Variants in CNBD2 observed in about 807,000 individuals in gnomAD.
CNBD2 encodes the protein cyclic nucleotide binding domain containing 2.
In CNBD2, 64 loss-of-function variants were observed where a neutral mutation model predicts 63.7. That is an observed-to-expected ratio of 1.00 (90% confidence interval 0.82 to 1.24). CNBD2 has a LOEUF of 1.24. Among genes scored for constraint, CNBD2 ranks in the 50% most tolerant of loss-of-function variants. CNBD2 has a pLI of 0.00. For synonymous variants in CNBD2, 229 were observed against 255.4 expected (o/e 0.90, Z 0.99); for missense variants, 691 against 713.5 (o/e 0.97, Z 0.36).
At chr20:35,955,908 A>T (rs1223215907), downstream of CNBD2, among the ~76,000 whole-genome samples, 2 of 152,010 alleles carry the variant, frequency 1.3e-5, no homozygotes, top group East Asian at 3.8e-4. Context: ...TTTGGTACAG[A>T]TGGAGTTTCA....
intron 3 of CNBD2, among the ~76,000 whole-genome samples, chr20:35,976,823 A>T (rs1373921294): frequency 6.6e-6 from 1 of 152,182 alleles, no homozygotes; most frequent in Admixed American, 6.5e-5. Context: ...CCTGGCTTGG[A>T]GTAGCCACGT....
intron 8 of CNBD2, among the ~76,000 whole-genome samples, chr20:35,997,213 T>G (rs1440080324): frequency 6.6e-6 from 1 of 152,200 alleles, no homozygotes; most frequent in Non-Finnish European, 1.5e-5. Flanking sequence ...GTCTTATCTC[T>G]TACCTCCTGC....
At chr20:35,989,254 C>A (rs551952152) in intron 7 of CNBD2, among the ~76,000 whole-genome samples, 1 of 152,336 alleles carries the variant, frequency 6.6e-6, no homozygotes, top group African/African-American at 2.4e-5. Context: ...TTTGGGCTGA[C>A]CTTTCTGTCT....
intron 2 of CNBD2, 80 bp from the exon 3 acceptor site, chr20:35,975,869 T>A: frequency 7.7e-7 from 1 of 1,304,088 alleles, no homozygotes; most frequent in Non-Finnish European, 1.1e-6. Flanking sequence ...GTGGTCCAGG[T>A]AGACAGGAGG....
At chr20:36,014,390 C>CAAGTGATCATGGGTCACTGCA in intron 10 of CNBD2, among the ~76,000 whole-genome samples, 1 of 149,028 alleles carries the variant, frequency 6.7e-6, no homozygotes, top group Non-Finnish European at 1.5e-5. Context: ...AGTGCAGTGG[C>CAAGTGATCATGGGTCACTGCA]GCCATCTCGG....
In CNBD2 at chr20:35,975,961, A is replaced by T. The variant is rs747895668; in HGVS notation, c.202A>T (p.Ser68Cys). 1 of 1,613,240 alleles carries T rather than the reference A, an allele frequency of 6.2e-7. No homozygotes were observed. The highest frequency in any genetic ancestry group is 1.1e-5 in the South Asian group (1 of 90,998). ...IFSFWDKKMQ[S>C]RVTFDTMDFI... is the part of the protein sequence containing the mutation. Reference sequence around the variant, plus strand: ...CTCTTTCTTTCAGAAAAAGATGCAAAGCCGAGTCACATTTGATACCATGGA... The same window carrying T: ...CTCTTTCTTTCAGAAAAAGATGCAATGCCGAGTCACATTTGATACCATGGA... Residue 68 changes from serine to cysteine, a missense_variant, in exon 3 of 12, where the codon AGC (serine) becomes TGC (cysteine). Ser to Cys is a moderately radical substitution (Grantham distance 112, BLOSUM62 -1). Coordinates refer to ENST00000373973, the MANE Select transcript of CNBD2 (RefSeq NM_001365709.1).
chr20:35,989,894 G>A (rs74947537), intron 7 of CNBD2, among the ~76,000 whole-genome samples: 31 of 137,530 alleles, frequency 2.3e-4, no homozygotes, highest in African/African-American at 8.3e-4. Context: ...AGAGAGAAGA[G>A]GGGAGGGGAG....
intron 2 of CNBD2, chr20:35,973,509 A>T (rs1296511510): frequency 6.6e-6 from 1 of 152,128 alleles, no homozygotes; most frequent in Non-Finnish European, 1.5e-5. Context: ...TCCCGGGTTC[A>T]CACCATTCTC....
At position 35,975,579 on chromosome 20, in the gene CNBD2, C is replaced by T. The variant is rs184174352; in HGVS notation, c.190-370C>T. Reference sequence around the variant, plus strand: ...CCTCCCAAAGTGCTGGGATTACAGGCGTGAGCCACCGCGCCCAGCCTGTTC... The same window carrying T: ...CCTCCCAAAGTGCTGGGATTACAGGTGTGAGCCACCGCGCCCAGCCTGTTC... On this transcript the variant is annotated intron_variant, in intron 2 of 11. Coordinates refer to ENST00000373973, the MANE Select transcript of CNBD2 (RefSeq NM_001365709.1). Among the ~76,000 whole-genome samples, 12 of 152,196 alleles carry T rather than the reference C, an allele frequency of 7.9e-5. No individual in the cohort carries two copies. In the East Asian group the frequency reaches 1.7e-3, roughly 22 times the overall value.
Position 35,979,968 on chromosome 20 carries a change from A to C in CNBD2, c.244-491A>C, listed in dbSNP as rs138280685. ...GAGTGGTAGGTGAACGTGCTGGTCCATGAGGCCTGGTTCACTGGAGAAGAA... is the reference window on the plus strand; with the variant it reads ...GAGTGGTAGGTGAACGTGCTGGTCCCTGAGGCCTGGTTCACTGGAGAAGAA... On this transcript the variant is annotated intron_variant, in intron 3 of 11. Coordinates refer to ENST00000373973, the MANE Select transcript of CNBD2 (RefSeq NM_001365709.1). Among the ~76,000 whole-genome samples the C allele has an allele frequency of 1.4e-3, 208 of 152,334 alleles. 1 individual carries two copies. The highest frequency in any genetic ancestry group is 4.4e-3 in the African/African-American group (185 of 41,578).
intron 2 of CNBD2, chr20:35,974,024 AAG>A (rs1240397178): frequency 2.0e-5 from 3 of 152,662 alleles, no homozygotes; most frequent in Non-Finnish European, 2.9e-5. Context: ...TGGCCAAAGA[AAG>A]GGGGATACGG....
chr20:35,972,652 TATC>T lies in CNBD2; in HGVS notation c.81_83del (p.Ile28del). ...AGGGACTGTACCAGCTCGCCATGGATATCATCATAATGATCCGAGTGTGTAAAA... is the reference window on the plus strand; with the variant it reads ...AGGGACTGTACCAGCTCGCCATGGATATCATAATGATCCGAGTGTGTAAAA... On this transcript the variant is annotated inframe_deletion, in exon 2 of 12. Coordinates refer to ENST00000373973, the MANE Select transcript of CNBD2 (RefSeq NM_001365709.1). 6 of 1,614,106 alleles carry T rather than the reference TATC, an allele frequency of 3.7e-6. No individual in the cohort carries two copies. In the Middle Eastern group the frequency reaches 9.9e-4, roughly 266 times the overall value.
intron 11 of CNBD2, among the ~76,000 whole-genome samples, chr20:36,024,109 G>A (rs1410528532): frequency 6.6e-6 from 1 of 152,240 alleles, no homozygotes; most frequent in Admixed American, 6.5e-5. Flanking sequence ...GCTGAGGCAG[G>A]CAGATCACTT....
At chr20:36,015,961 A>C (rs115004375) in intron 10 of CNBD2, among the ~76,000 whole-genome samples, 1 of 152,192 alleles carries the variant, frequency 6.6e-6, no homozygotes, top group South Asian at 2.1e-4. Context: ...AAGTAACTTT[A>C]CAATGGAAAA....
At chr20:36,016,296 T>C (rs1182407797) in intron 10 of CNBD2, among the ~76,000 whole-genome samples, 1 of 151,978 alleles carries the variant, frequency 6.6e-6, no homozygotes, top group Admixed American at 6.6e-5. Context: ...GATAAGATAG[T>C]GGAATAGAAA....
Position 35,980,612 on chromosome 20 carries a change from C to T in CNBD2, c.397C>T (p.Arg133Cys), listed in dbSNP as rs146293825. ...PLQLLLAKVM[R>C]FERFGRRRVI... ...GCAGCTGCTCCTGGCCAAAGTCATG[C>T]GCTTTGAACGGTCAGTGAGGGGCAC... is the stretch of plus-strand genomic sequence containing the variant. Residue 133 changes from arginine to cysteine, a missense_variant, in exon 4 of 12, where the codon CGC becomes TGC. Transcript: ENST00000373973. 163 of 1,613,218 alleles carry T rather than the reference C, an allele frequency of 1.0e-4. No homozygotes were observed. The African/African-American group carries it at 1.2e-3, about 12-fold the overall frequency.
At chr20:35,971,225 G>A (rs1022810406) in intron 1 of CNBD2, among the ~76,000 whole-genome samples, 2 of 152,132 alleles carry the variant, frequency 1.3e-5, no homozygotes, top group Non-Finnish European at 2.9e-5. Context: ...GGGTTTACAG[G>A]CATGAGCCAC....
chr20:36,029,096 A>G (rs1274515147), intron 11 of CNBD2, among the ~76,000 whole-genome samples: 3 of 152,200 alleles, frequency 2.0e-5, no homozygotes, highest in Non-Finnish European at 4.4e-5. Flanking sequence ...AAAGTAGACT[A>G]GAAATCAATG....
rs1320291289 is a variant in CNBD2 at position 35,980,586 on chromosome 20, TGCA to T, written c.374_376del (p.Gln125del). ...AGCTATCGGAACTACGCAGAGCCCC[TGCA>T]GCTGCTCCTGGCCAAAGTCATGCGC... is the stretch of plus-strand genomic sequence containing the variant. On this transcript the variant is annotated inframe_deletion, in exon 4 of 12. Coordinates refer to ENST00000373973, the MANE Select transcript of CNBD2 (RefSeq NM_001365709.1). 1 of 1,613,768 alleles carries T rather than the reference TGCA, an allele frequency of 6.2e-7. No homozygotes were observed. The highest frequency in any genetic ancestry group is 8.5e-7 in the Non-Finnish European group (1 of 1,180,052).
Sources: allele counts gnomAD v4.1 joint callset (sites outside exome capture counted in the v4.1 genomes callset), GRCh38; gene constraint gnomAD v4.1.1; transcripts MANE v1.5; gene names NCBI Gene and HGNC (gene_info 2026-07-23, HGNC 2026-07-21).